FER: variants seen among roughly 807,000 people sequenced by gnomAD.
FER encodes the protein tyrosine-protein kinase Fer.
FER carries 63 observed loss-of-function variants against 111.0 expected under a neutral mutation model. The ratio of observed to expected loss-of-function variants is 0.57; its 90% CI spans 0.46 to 0.70. FER has a LOEUF of 0.70. Ranked by LOEUF, FER falls within the 30% of genes least tolerant of loss-of-function variation. The pLI, the probability that FER is intolerant of heterozygous loss-of-function variation, is 0.00. For synonymous variants in FER, 327 were observed against 313.9 expected (o/e 1.04, Z -0.44); for missense variants, 914 against 954.0 (o/e 0.96, Z 0.55).
At chr5:109,020,666 G>T (rs1236660984) in intron 13 of FER, among the ~76,000 whole-genome samples, 1 of 151,950 alleles carries the variant, frequency 6.6e-6, no homozygotes, top group East Asian at 1.9e-4. Flanking sequence ...ATATCCCCTT[G>T]TGAACTTTTG....
chr5:109,176,382 AG>A (rs1757690106), intron 17 of FER, among the ~76,000 whole-genome samples: 2 of 152,330 alleles, frequency 1.3e-5, no homozygotes, highest in African/African-American at 4.8e-5. Flanking sequence ...AGTAAGGCAG[AG>A]AAAGATAAAT....
At chr5:108,825,806 C>T (rs1465482542) in intron 3 of FER, among the ~76,000 whole-genome samples, 2 of 152,188 alleles carry the variant, frequency 1.3e-5, no homozygotes, top group African/African-American at 4.8e-5. Context: ...TCATAATCCA[C>T]GTTCTTCTGT....
intron 5 of FER, among the ~76,000 whole-genome samples, chr5:108,861,514 C>G (rs1299874313): frequency 6.6e-6 from 1 of 151,958 alleles, no homozygotes; most frequent in South Asian, 2.1e-4. Flanking sequence ...TGTTTTCCTC[C>G]TTGTTGATTG....
At chr5:108,921,474 A>G (rs1753009002) in intron 10 of FER, among the ~76,000 whole-genome samples, 1 of 152,050 alleles carries the variant, frequency 6.6e-6, no homozygotes, top group Non-Finnish European at 1.5e-5. Flanking sequence ...AGTGCTTGCT[A>G]TGTAGGGGAG....
intron 16 of FER, among the ~76,000 whole-genome samples, chr5:109,071,433 A>G (rs930933960): frequency 6.6e-6 from 1 of 152,090 alleles, no homozygotes; most frequent in Non-Finnish European, 1.5e-5. Context: ...TATCCACATG[A>G]CATCACTGGT....
intron 13 of FER, among the ~76,000 whole-genome samples, chr5:108,962,301 T>TA (rs1002628982): frequency 6.6e-6 from 1 of 152,212 alleles, no homozygotes; most frequent in Non-Finnish European, 1.5e-5. Context: ...TCATCATTCT[T>TA]ACATTAGCAA....
chr5:109,060,689 A>G (rs950389309), intron 16 of FER, among the ~76,000 whole-genome samples: 21 of 152,082 alleles, frequency 1.4e-4, no homozygotes, highest in Non-Finnish European at 4.4e-5. Flanking sequence ...TCTCCAAAAA[A>G]GAAATAAAAA....
At chr5:109,042,903 G>C (rs1393433865) in intron 14 of FER, among the ~76,000 whole-genome samples, 1 of 152,174 alleles carries the variant, frequency 6.6e-6, no homozygotes, top group Non-Finnish European at 1.5e-5. Flanking sequence ...CCAAGAAAGT[G>C]ATAGTAATTG....
At chr5:109,024,372 T>G (rs1398474405) in intron 13 of FER, among the ~76,000 whole-genome samples, 2 of 152,144 alleles carry the variant, frequency 1.3e-5, no homozygotes, top group African/African-American at 4.8e-5. Context: ...TGCATATCTC[T>G]TCTTCATAAG....
chr5:108,753,718 A>C (rs759988748), intron 1 of FER, among the ~76,000 whole-genome samples: 28 of 152,332 alleles, frequency 1.8e-4, no homozygotes, highest in South Asian at 6.2e-4. Context: ...TTTAAGGAGC[A>C]GTATTTTACA....
At chr5:109,056,702 T>A (rs559120760) in intron 16 of FER, among the ~76,000 whole-genome samples, 1 of 152,270 alleles carries the variant, frequency 6.6e-6, no homozygotes, top group African/African-American at 2.4e-5. Flanking sequence ...TCATGCTAAA[T>A]GAGTAGAGTT....
At chr5:108,959,759 G>C (rs1444503234) in intron 13 of FER, among the ~76,000 whole-genome samples, 1 of 152,024 alleles carries the variant, frequency 6.6e-6, no homozygotes, top group African/African-American at 2.4e-5. Context: ...TGTATTATAA[G>C]ATATTGGAAC....
chr5:109,055,970 C>T (rs967501462), intron 16 of FER, among the ~76,000 whole-genome samples: 18 of 151,860 alleles, frequency 1.2e-4, no homozygotes, highest in African/African-American at 3.9e-4. Context: ...GACAGATATA[C>T]GATAGGTGCT....
chr5:109,088,671 A>G (rs1035560768), intron 16 of FER, among the ~76,000 whole-genome samples: 2 of 152,182 alleles, frequency 1.3e-5, no homozygotes, highest in African/African-American at 4.8e-5. Flanking sequence ...ATGCTCTTCC[A>G]TATGCATAAA....
chr5:108,771,481 C>G (rs1752894254), intron 2 of FER, among the ~76,000 whole-genome samples: 1 of 151,996 alleles, frequency 6.6e-6, no homozygotes, highest in Non-Finnish European at 1.5e-5. Flanking sequence ...TAGCTGGGAC[C>G]TAGAGAGGTT....
At chr5:109,041,709 C>G (rs996850892) in intron 14 of FER, among the ~76,000 whole-genome samples, 1 of 152,036 alleles carries the variant, frequency 6.6e-6, no homozygotes, top group Non-Finnish European at 1.5e-5. Flanking sequence ...GACAGTTACC[C>G]AACAGCTCAA....
At chr5:108,982,743 A>G (rs978661988) in intron 13 of FER, among the ~76,000 whole-genome samples, 5 of 152,106 alleles carry the variant, frequency 3.3e-5, no homozygotes, top group Admixed American at 2.6e-4. Flanking sequence ...GAAAGCTACT[A>G]TGAAGATTAT....
intron 2 of FER, among the ~76,000 whole-genome samples, chr5:108,782,338 T>C (rs1754182001): frequency 6.6e-6 from 1 of 152,022 alleles, no homozygotes; most frequent in South Asian, 2.1e-4. Flanking sequence ...CAAGCTGGAC[T>C]CAAACTCATG....
At chr5:109,049,612 ACT>A (rs1772468415) in intron 16 of FER, among the ~76,000 whole-genome samples, 1 of 151,778 alleles carries the variant, frequency 6.6e-6, no homozygotes, top group Admixed American at 6.6e-5. Flanking sequence ...AATAAAGAAC[ACT>A]CTCCAGAACA....
Sources: allele counts gnomAD v4.1 joint callset (sites outside exome capture counted in the v4.1 genomes callset), GRCh38; gene constraint gnomAD v4.1.1; transcripts MANE v1.5; gene names NCBI Gene and HGNC (gene_info 2026-07-23, HGNC 2026-07-21).